The following CLSTN2 variants were observed in gnomAD, a reference collection of about 807,000 sequenced individuals.
CLSTN2 encodes the protein calsyntenin-2.
Under a neutral mutation model 101.2 loss-of-function variants are expected in CLSTN2, and 48 were observed. The ratio of observed to expected loss-of-function variants is 0.47; its 90% CI spans 0.38 to 0.60. The LOEUF is 0.60. Among genes scored for constraint, CLSTN2 ranks in the 20% least tolerant of loss-of-function variants. The pLI, the probability that CLSTN2 is intolerant of heterozygous loss-of-function variation, is 0.00. For missense variants in CLSTN2, 1,160 were observed against 1,238.2 expected, an observed-to-expected ratio of 0.94 and a Z score of 0.95; for synonymous variants, 481 against 463.6, an observed-to-expected ratio of 1.04 and a Z score of -0.48.
chr3:140,163,668 T>C (rs1348105217), intron 1 of CLSTN2, among the ~76,000 whole-genome samples: 1 of 151,026 alleles, frequency 6.6e-6, no homozygotes, highest in Non-Finnish European at 1.5e-5. Context: ...AGGATGACCA[T>C]CCAGGGAGGA....
At chr3:140,142,398 C>A (rs1008861935) in intron 1 of CLSTN2, among the ~76,000 whole-genome samples, 1 of 152,120 alleles carries the variant, frequency 6.6e-6, no homozygotes, top group African/African-American at 2.4e-5. Context: ...CAGGCCCACA[C>A]TGGGGCAGGC....
intron 2 of CLSTN2, among the ~76,000 whole-genome samples, chr3:140,301,481 T>C (rs1194288877): frequency 6.6e-6 from 1 of 152,226 alleles, no homozygotes; most frequent in Non-Finnish European, 1.5e-5. Context: ...TATTTCTGCT[T>C]TTACATTTGC....
chr3:140,435,748 G>T (rs57626734), intron 5 of CLSTN2, among the ~76,000 whole-genome samples: 4,355 of 152,164 alleles, frequency 0.029, 199 homozygotes, highest in African/African-American at 0.098. Flanking sequence ...CCTGTCTTTT[G>T]GATATGGGCC....
At chr3:140,523,644 A>G (rs1935081104) in intron 8 of CLSTN2, among the ~76,000 whole-genome samples, 1 of 152,090 alleles carries the variant, frequency 6.6e-6, no homozygotes, top group South Asian at 2.1e-4. Flanking sequence ...TCCTCACTTC[A>G]CATGTGAGGC....
chr3:140,405,613 A>G (rs1341280515), intron 4 of CLSTN2, among the ~76,000 whole-genome samples: 1 of 152,176 alleles, frequency 6.6e-6, no homozygotes, highest in Non-Finnish European at 1.5e-5. Context: ...ACCCTCCCAT[A>G]ATAACCCAAT....
chr3:140,438,256 C>A (rs1316327567), intron 5 of CLSTN2, among the ~76,000 whole-genome samples: 1 of 151,818 alleles, frequency 6.6e-6, no homozygotes, highest in Non-Finnish European at 1.5e-5. Context: ...TGTCAGAGAG[C>A]CACCTCTCCC....
intron 8 of CLSTN2, among the ~76,000 whole-genome samples, chr3:140,513,380 C>G (rs1385964101): frequency 6.6e-6 from 1 of 152,156 alleles, no homozygotes; most frequent in East Asian, 1.9e-4. Flanking sequence ...TGGTTTTTGT[C>G]TTTGGTTCTG....
chr3:140,461,159 T>A (rs1933553563), intron 7 of CLSTN2: 1 of 152,234 alleles, frequency 6.6e-6, no homozygotes, highest in South Asian at 2.1e-4. Flanking sequence ...ATCTTTATAA[T>A]AAATGTTAAT....
intron 1 of CLSTN2, among the ~76,000 whole-genome samples, chr3:140,101,233 T>C (rs1362995740): frequency 6.6e-6 from 1 of 152,184 alleles, no homozygotes; most frequent in Admixed American, 6.5e-5. Context: ...CCTCTACTCC[T>C]TTTCCCTACC....
At chr3:140,309,098 G>C (rs1263965538) in intron 2 of CLSTN2, among the ~76,000 whole-genome samples, 1 of 152,170 alleles carries the variant, frequency 6.6e-6, no homozygotes, top group Admixed American at 6.5e-5. Flanking sequence ...TACTCTCATA[G>C]AACTTACAAT....
At chr3:139,986,647 C>T (rs1936025828) in intron 1 of CLSTN2, among the ~76,000 whole-genome samples, 1 of 152,200 alleles carries the variant, frequency 6.6e-6, no homozygotes, top group Non-Finnish European at 1.5e-5. Flanking sequence ...TTGGTGAGGT[C>T]TCCTCCAGCC....
chr3:140,052,638 G>T (rs370107133), intron 1 of CLSTN2, among the ~76,000 whole-genome samples: 1 of 152,138 alleles, frequency 6.6e-6, no homozygotes, highest in Non-Finnish European at 1.5e-5. Flanking sequence ...CCACAAAGTC[G>T]GATTGGAAAT....
intron 1 of CLSTN2, among the ~76,000 whole-genome samples, chr3:139,956,867 G>C (rs923306726): frequency 1.3e-5 from 2 of 152,066 alleles, no homozygotes; most frequent in Non-Finnish European, 2.9e-5. Context: ...ATTAGACTGG[G>C]ATATCACTTT....
At position 140,562,201 on chromosome 3, in the gene CLSTN2, T is replaced by C. The variant is rs757407740; in HGVS notation, c.2105T>C (p.Ile702Thr). ...TTAGATTTCTGTGACATTTTGGTGATCGGAGGGGACTTGGACCCAAGGCAG... is the reference window on the plus strand; with the variant it reads ...TTAGATTTCTGTGACATTTTGGTGACCGGAGGGGACTTGGACCCAAGGCAG... ...HNLDFCDILV[I>T]GGDLDPRQEC... The change falls in exon 13 of 17, where the codon ATC becomes ACC. Residue 702 changes from isoleucine (I) to threonine (T), a missense_variant. Transcript: ENST00000458420. 6.2e-7 allele frequency: 1 copy of C among 1,614,104 alleles called. No individual in the cohort carries two copies. Among genetic ancestry groups the C allele is most frequent in the South Asian group, 1.1e-5 (1 of 91,078 alleles).
At chr3:140,247,346 G>A (rs2086526663) in intron 2 of CLSTN2, among the ~76,000 whole-genome samples, 1 of 152,168 alleles carries the variant, frequency 6.6e-6, no homozygotes, top group South Asian at 2.1e-4. Flanking sequence ...CCTGCATCAT[G>A]GGAAATGCTT....
intron 2 of CLSTN2, among the ~76,000 whole-genome samples, chr3:140,365,869 C>T (rs552633006): frequency 1.3e-5 from 2 of 152,292 alleles, no homozygotes; most frequent in Non-Finnish European, 2.9e-5. Context: ...AGAGAGAAAT[C>T]GAGGAACAAC....
chr3:139,971,716 C>A (rs186952313), intron 1 of CLSTN2, among the ~76,000 whole-genome samples: 1 of 152,184 alleles, frequency 6.6e-6, no homozygotes, highest in Non-Finnish European at 1.5e-5. Flanking sequence ...GAGTACAAAC[C>A]AGACCCACAT....
chr3:140,562,436 T>C (rs1935936359), intron 13 of CLSTN2, 128 bp downstream of exon 13: 2 of 935,536 alleles, frequency 2.1e-6, no homozygotes, highest in Non-Finnish European at 3.1e-6. Flanking sequence ...TGGAGATCCT[T>C]GGCCTCAAGC....
chr3:139,977,418 T>G (rs181564939), intron 1 of CLSTN2, among the ~76,000 whole-genome samples: 111 of 152,268 alleles, frequency 7.3e-4, no homozygotes, highest in African/African-American at 2.5e-3. Flanking sequence ...CTCCTGAGTC[T>G]TACTACACTG....
Sources: gnomAD v4.1 joint callset for allele counts (sites outside exome capture counted in the v4.1 genomes callset) on GRCh38, gnomAD v4.1.1 for gene constraint, MANE v1.5 for transcripts, NCBI Gene and HGNC (gene_info 2026-07-23, HGNC 2026-07-21) for gene names.